SLC25A29: variants seen among roughly 807,000 people sequenced by gnomAD.
SLC25A29 encodes the protein mitochondrial basic amino acids transporter.
A neutral mutation model predicts 10.0 loss-of-function variants in SLC25A29; 13 were observed. That is an observed-to-expected ratio of 1.30 (90% CI 0.85 to 2.07). The LOEUF is 2.07. SLC25A29 is among the 30% of genes most tolerant of loss of function. The pLI is 0.00. For missense variants in SLC25A29, 475 were observed against 447.6 expected, an observed-to-expected ratio of 1.06 and a Z score of -0.55; for synonymous variants, 244 against 221.1, an observed-to-expected ratio of 1.10 and a Z score of -0.92.
chr14:100,295,487 C>T (rs1177273656), intron 2 of SLC25A29: 3 of 1,026,954 alleles, frequency 2.9e-6, no homozygotes, highest in Non-Finnish European at 3.8e-6. Context: ...CCCGAGCCCC[C>T]ACCCCAGGAC....
intron 2 of SLC25A29, chr14:100,293,673 G>A: frequency 2.8e-6 from 1 of 355,154 alleles, no homozygotes; most frequent in Non-Finnish European, 5.2e-6. Context: ...ACAGTGCACT[G>A]CCAGTGGGGC....
Position 100,293,286 on chromosome 14 carries a change from C to G in SLC25A29, c.162+8G>C, listed in dbSNP as rs949247465. ...GCCTCCCGAGCCCCACCAGCCCAGG[C>G]CACTCACGCTCTCTTGCTTGATGAT... On this transcript the variant is annotated splice_region_variant and intron_variant, in intron 3 of 3. Coordinates refer to ENST00000359232, the MANE Select transcript of SLC25A29 (RefSeq NM_001039355.3). 1 of 1,612,532 alleles carries G rather than the reference C, an allele frequency of 6.2e-7. No individual in the cohort carries two copies. Among genetic ancestry groups the G allele is most frequent in the Non-Finnish European group, 8.5e-7 (1 of 1,179,798 alleles).
Position 100,292,931 on chromosome 14 carries a change from G to A in SLC25A29, c.264C>T (p.Gly88=). ...GGAACTGGTTGAGGGGCGAGTCGTG[G>A]CCCAGGGCCCGGAGGGTGTTGCCCT... ...GVQGNTLRAL[G]HDSPLNQFLA... The change falls in exon 4 of 4, where the codon GGC becomes GGT. Residue 88 remains glycine (G), a synonymous_variant. Transcript: ENST00000359232. 2 of 1,607,014 alleles carry A rather than the reference G, an allele frequency of 1.2e-6. No individual in the cohort carries two copies. Among genetic ancestry groups the A allele is most frequent in the Non-Finnish European group, 1.7e-6 (2 of 1,177,670 alleles).
chr14:100,295,108 A>T (rs1892049046), intron 2 of SLC25A29: 1 of 160,582 alleles, frequency 6.2e-6, no homozygotes, highest in Non-Finnish European at 1.4e-5. Context: ...CAGATCACAG[A>T]CACTGGTGAA....
intron 1 of SLC25A29, chr14:100,305,730 C>T (rs1221686160): frequency 6.5e-6 from 1 of 154,642 alleles, no homozygotes; most frequent in Non-Finnish European, 1.4e-5. Flanking sequence ...CCCTCCAAGG[C>T]CAGCCGAGTA....
the SLC25A29 span, chr14:100,282,166 C>T: frequency 1.8e-4 from 28 of 152,186 alleles, no homozygotes; most frequent in Non-Finnish European, 3.7e-4. Context: ...CCATGTCCCC[C>T]GCCAGCATTC....
chr14:100,303,611 G>GA (rs1892705202), intron 1 of SLC25A29, among the ~76,000 whole-genome samples: 1 of 152,184 alleles, frequency 6.6e-6, no homozygotes, highest in Non-Finnish European at 1.5e-5. Context: ...GAACAGTGTG[G>GA]GCTGTGGGGC....
downstream of SLC25A29, among the ~76,000 whole-genome samples, chr14:100,288,396 A>AAG (rs1891588578): frequency 6.6e-6 from 1 of 150,990 alleles, no homozygotes; most frequent in South Asian, 2.1e-4. Context: ...AAAAAAAAAA[A>AAG]AAAAAAAAAA....
Position 100,292,348 on chromosome 14 carries a change from G to A in SLC25A29, c.847C>T (p.Pro283Ser), listed in dbSNP as rs941041954. Residue 283 changes from proline (P) to serine (S), a missense_variant, in exon 4 of 4, where the codon CCC becomes TCC. Pro to Ser is a moderately conservative substitution (Grantham distance 74). Transcript: ENST00000359232. ...LTYARGEEAG[P>S]EGEAVPAAPA... ...GCGGCGGGCACAGCCTCGCCCTCGG[G>A]CCCGGCCTCCTCGCCGCGCGCGTAG... is the stretch of plus-strand genomic sequence containing the variant. The A allele has an allele frequency of 8.0e-6, 12 of 1,499,078 alleles. No individual in the cohort carries two copies. In the African/African-American group the frequency reaches 8.4e-5, roughly 11 times the overall value. The allele number at this position is 1,499,078 out of a possible 1,614,324, so 92.9% of individuals were successfully genotyped here. A position where few individuals can be genotyped will look rare whatever the true frequency, so the allele number is the denominator to read the frequency against.
chr14:100,288,985 G>A (rs1891603338), downstream of SLC25A29, among the ~76,000 whole-genome samples: 1 of 152,168 alleles, frequency 6.6e-6, no homozygotes, highest in East Asian at 1.9e-4. Flanking sequence ...CATATGACTG[G>A]TGCCCTTATA....
At chr14:100,303,530 C>G (rs574813442) in intron 1 of SLC25A29, among the ~76,000 whole-genome samples, 1 of 152,394 alleles carries the variant, frequency 6.6e-6, no homozygotes, top group Non-Finnish European at 1.5e-5. Flanking sequence ...TTCCCACTTT[C>G]TCTTCTGACT....
At position 100,298,605 on chromosome 14, in the gene SLC25A29, C is replaced by T. The variant is rs952650780; in HGVS notation, c.78+237G>A. 1.2e-5 allele frequency: 7 copies of T among 592,390 alleles called. No homozygotes were observed. The African/African-American group carries it at 1.3e-4, about 11-fold the overall frequency. 36.7% of individuals were successfully genotyped at this position (592,390 alleles called of 1,614,324 possible). On this transcript the variant is annotated intron_variant, in intron 2 of 3. Coordinates refer to ENST00000359232, the MANE Select transcript of SLC25A29 (RefSeq NM_001039355.3). ...CCTTGCTCTGGGTGGGAGAAAACCTCAGCACCTCGGTTCCAGCTGGCCAAG... is the reference window on the plus strand; with the variant it reads ...CCTTGCTCTGGGTGGGAGAAAACCTTAGCACCTCGGTTCCAGCTGGCCAAG...
At chr14:100,297,683 G>A (rs1025166710) in intron 2 of SLC25A29, among the ~76,000 whole-genome samples, 4 of 152,348 alleles carry the variant, frequency 2.6e-5, no homozygotes. Flanking sequence ...TCGGCAGGCC[G>A]GTGCAGCAAA....
intron 2 of SLC25A29, 138 bp from the exon 3 acceptor site, chr14:100,293,515 A>G (rs1891929716): frequency 1.5e-6 from 1 of 656,170 alleles, no homozygotes; most frequent in African/African-American, 1.8e-5. Flanking sequence ...TTGTAATTCC[A>G]GGGCAGGGTG....
intron 2 of SLC25A29, among the ~76,000 whole-genome samples, chr14:100,297,831 G>A (rs1566803659): frequency 6.6e-6 from 1 of 152,232 alleles, no homozygotes; most frequent in Non-Finnish European, 1.5e-5. Context: ...CTGGCACGAT[G>A]ACAACGTTTG....
chr14:100,301,858 C>A (rs1892575644), intron 1 of SLC25A29, among the ~76,000 whole-genome samples: 1 of 151,942 alleles, frequency 6.6e-6, no homozygotes, highest in African/African-American at 2.4e-5. Flanking sequence ...AGGGTAAGCA[C>A]CGCCTCCCCC....
At chr14:100,288,672 C>T (rs1891595501), downstream of SLC25A29, among the ~76,000 whole-genome samples, 1 of 151,410 alleles carries the variant, frequency 6.6e-6, no homozygotes, top group African/African-American at 2.4e-5. Flanking sequence ...GTGGCCCCGT[C>T]CGCTGCTGCT....
At chr14:100,294,353 G>C (rs895040742) in intron 2 of SLC25A29, 1 of 152,272 alleles carries the variant, frequency 6.6e-6, no homozygotes, top group Non-Finnish European at 1.5e-5. Flanking sequence ...TGTTGCCTAT[G>C]AGCTTATCTT....
chr14:100,295,588 G>A (rs1457973401), intron 2 of SLC25A29: 6 of 1,284,488 alleles, frequency 4.7e-6, no homozygotes, highest in Middle Eastern at 2.5e-4. Flanking sequence ...ACAGGGTGGG[G>A]TCCAGGCTGG....
Sources: allele counts gnomAD v4.1 joint callset (sites outside exome capture counted in the v4.1 genomes callset), GRCh38; gene constraint gnomAD v4.1.1; transcripts MANE v1.5; gene names NCBI Gene and HGNC (gene_info 2026-07-23, HGNC 2026-07-21).